Variants in ARHGEF38 observed in about 807,000 individuals in gnomAD.
ARHGEF38 encodes the protein Rho guanine nucleotide exchange factor (GEF) 38.
ARHGEF38 carries 79 observed loss-of-function variants against 79.9 expected under a neutral mutation model. The ratio of observed to expected loss-of-function variants is 0.99; its 90% confidence interval spans 0.82 to 1.19. The LOEUF is 1.19. Ranked by LOEUF, ARHGEF38 falls within the 50% of genes most tolerant of loss-of-function variation. ARHGEF38 has a pLI of 0.00. For synonymous variants in ARHGEF38, 366 were observed against 328.3 expected, an observed-to-expected ratio of 1.11 and a Z score of -1.24; for missense variants, 962 against 907.2, an observed-to-expected ratio of 1.06 and a Z score of -0.78.
chr4:105,625,130 G>A (rs965761599), intron 3 of ARHGEF38, among the ~76,000 whole-genome samples: 5 of 152,292 alleles, frequency 3.3e-5, no homozygotes, highest in Admixed American at 6.5e-5. Context: ...ATCTTAGTTG[G>A]TTTTTAGAAT....
chr4:105,577,815 T>C (rs1726579424), intron 1 of ARHGEF38, among the ~76,000 whole-genome samples: 1 of 152,118 alleles, frequency 6.6e-6, no homozygotes, highest in Non-Finnish European at 1.5e-5. Context: ...TTGAATCTTC[T>C]CTCTTTTCTT....
chr4:105,652,273 G>A (rs1241984178), intron 7 of ARHGEF38, among the ~76,000 whole-genome samples: 3 of 152,182 alleles, frequency 2.0e-5, no homozygotes, highest in African/African-American at 4.8e-5. Flanking sequence ...TGAGAAAATG[G>A]AAGAAAGGTT....
chr4:105,655,551 T>G, intron 8 of ARHGEF38, 52 bp from the exon 9 acceptor site: 1 of 1,524,206 alleles, frequency 6.6e-7, no homozygotes, highest in Non-Finnish European at 8.8e-7. Context: ...GATATGTTAA[T>G]TATACTGACC....
At position 105,648,543 on chromosome 4, in the gene ARHGEF38, T is replaced by C; in HGVS notation, c.875-6T>C. ...TCAGCTACGTTATTACATTCTTCCT[T>C]TTCAGTTCTAAAATACAAGAAGAAT... On this transcript the variant is annotated splice_polypyrimidine_tract_variant and splice_region_variant and intron_variant, in intron 6 of 13. Transcript: ENST00000420470. 1 of 1,499,678 alleles carries C rather than the reference T, an allele frequency of 6.7e-7. No individual in the cohort carries two copies. Among genetic ancestry groups the C allele is most frequent in the Non-Finnish European group, 8.8e-7 (1 of 1,131,458 alleles). 92.9% of individuals were successfully genotyped at this position (1,499,678 alleles called of 1,614,324 possible).
chr4:105,618,536 G>T (rs1403793221), intron 3 of ARHGEF38, among the ~76,000 whole-genome samples: 1 of 152,092 alleles, frequency 6.6e-6, no homozygotes, highest in Non-Finnish European at 1.5e-5. Flanking sequence ...CAGGAGAATC[G>T]CTTGAACCCA....
chr4:105,602,695 C>A (rs887556776), intron 2 of ARHGEF38, among the ~76,000 whole-genome samples: 4 of 152,098 alleles, frequency 2.6e-5, no homozygotes, highest in Non-Finnish European at 5.9e-5. Context: ...CCAGGGCTCA[C>A]GCTTGTTTCC....
chr4:105,615,468 T>G (rs1227318144), intron 3 of ARHGEF38, among the ~76,000 whole-genome samples: 1 of 152,156 alleles, frequency 6.6e-6, no homozygotes, highest in Non-Finnish European at 1.5e-5. Flanking sequence ...TCAAGAGAAA[T>G]GTAGAAGAAA....
At chr4:105,644,277 A>T (rs1729746666) in intron 5 of ARHGEF38, among the ~76,000 whole-genome samples, 1 of 152,246 alleles carries the variant, frequency 6.6e-6, no homozygotes, top group African/African-American at 2.4e-5. Flanking sequence ...TACTTTAAAA[A>T]ATTATTGAAG....
At chr4:105,558,794 G>C (rs1214512922) in intron 1 of ARHGEF38, among the ~76,000 whole-genome samples, 3 of 149,738 alleles carry the variant, frequency 2.0e-5, no homozygotes, top group Non-Finnish European at 3.0e-5. Flanking sequence ...CTTAAAAGTA[G>C]CAAACACAAT....
Position 105,667,148 on chromosome 4 carries a change from C to A in ARHGEF38, c.1709C>A (p.Thr570Asn), listed in dbSNP as rs1369611163. The A allele has an allele frequency of 6.5e-7, 1 of 1,533,358 alleles. No homozygotes were observed. The highest frequency in any genetic ancestry group is 2.0e-5 in the Admixed American group (1 of 50,880). 95.0% of individuals were successfully genotyped at this position (1,533,358 alleles called of 1,614,324 possible). The stretch of plus-strand genomic sequence containing the variant: ...TCCCAGCCAGAAATGCCACATCAAA[C>A]TGACATTCATCGCTCCAAACTTCTA... ...VQILPEMPHQ[T>N]DIHRSKLLST... Residue 570 changes from threonine (T) to asparagine (N), a missense_variant, in exon 12 of 14, where the codon ACT becomes AAT. Thr to Asn is a moderately conservative substitution (Grantham distance 65, BLOSUM62 0). Transcript: ENST00000420470.
intron 1 of ARHGEF38, among the ~76,000 whole-genome samples, chr4:105,581,085 C>A (rs1041349352): frequency 7.2e-5 from 11 of 152,148 alleles, no homozygotes; most frequent in Non-Finnish European, 1.5e-4. Flanking sequence ...ACTCACCCCA[C>A]CTGCAGGAGT....
chr4:105,654,364 T>G (rs993968050), intron 8 of ARHGEF38, among the ~76,000 whole-genome samples, 195 bp downstream of exon 8: 7 of 152,192 alleles, frequency 4.6e-5, no homozygotes, highest in African/African-American at 1.7e-4. Flanking sequence ...ACCTCTTACC[T>G]GCTCCACTCT....
chr4:105,666,496 A>AT lies in ARHGEF38; in HGVS notation c.1689+184dup, dbSNP rs532932939. ...TACCATAAGCTCCATAAGATCATGG[A>AT]TTTTTTTTCTACTTTGTACATGGCG... On this transcript the variant is annotated intron_variant, in intron 11 of 13. Coordinates refer to ENST00000420470, the MANE Select transcript of ARHGEF38 (RefSeq NM_001242729.2). Among the ~76,000 whole-genome samples the AT allele has an allele frequency of 5.3e-5, 8 of 152,138 alleles. No homozygotes were observed. The South Asian group carries it at 1.2e-3, about 24-fold the overall frequency.
At chr4:105,573,316 A>C (rs1200082977) in intron 1 of ARHGEF38, among the ~76,000 whole-genome samples, 1 of 152,200 alleles carries the variant, frequency 6.6e-6, no homozygotes, top group Non-Finnish European at 1.5e-5. Context: ...ATTACTGCCA[A>C]ATTCAATATC....
At chr4:105,601,829 C>G (rs180985955) in intron 2 of ARHGEF38, among the ~76,000 whole-genome samples, 2 of 152,272 alleles carry the variant, frequency 1.3e-5, no homozygotes, top group Admixed American at 6.5e-5. Context: ...GCTGCAGCCT[C>G]CCCAAAATTC....
At chr4:105,572,146 A>G (rs1014590048) in intron 1 of ARHGEF38, among the ~76,000 whole-genome samples, 3 of 150,884 alleles carry the variant, frequency 2.0e-5, no homozygotes, top group Non-Finnish European at 4.4e-5. Flanking sequence ...CTTTTTTTTA[A>G]GAAGAGAAGA....
intron 4 of ARHGEF38, among the ~76,000 whole-genome samples, chr4:105,633,281 T>G (rs776809378): frequency 5.3e-5 from 8 of 152,194 alleles, no homozygotes; most frequent in Non-Finnish European, 1.0e-4. Flanking sequence ...ATAAAGTTAA[T>G]GATGGATTGT....
chr4:105,680,106 T>A lies in ARHGEF38; in HGVS notation c.*2169T>A. 2 of 743,290 alleles carry A rather than the reference T, an allele frequency of 2.7e-6. No individual in the cohort carries two copies. The highest frequency in any genetic ancestry group is 5.2e-5 in the East Asian group (2 of 38,572). 46.0% of individuals were successfully genotyped at this position (743,290 alleles called of 1,614,324 possible). A position where few individuals can be genotyped will look rare whatever the true frequency, so the allele number is the denominator to read the frequency against. On this transcript the variant is annotated 3_prime_UTR_variant, in exon 14 of 14. Transcript: ENST00000420470. ...ACTTGAAGGACATCTCATTTTCATCTGTGTTTTATAAAGGAGGAAATTGAG... is the reference window on the plus strand; with the variant it reads ...ACTTGAAGGACATCTCATTTTCATCAGTGTTTTATAAAGGAGGAAATTGAG...
chr4:105,559,918 A>T (rs1346024549), intron 1 of ARHGEF38, among the ~76,000 whole-genome samples: 1 of 152,168 alleles, frequency 6.6e-6, no homozygotes, highest in Non-Finnish European at 1.5e-5. Flanking sequence ...CTGAATCCCA[A>T]CTTCTCTTCT....
Sources: gnomAD v4.1 joint callset for allele counts (sites outside exome capture counted in the v4.1 genomes callset) on GRCh38, gnomAD v4.1.1 for gene constraint, MANE v1.5 for transcripts, NCBI Gene and HGNC (gene_info 2026-07-23, HGNC 2026-07-21) for gene names.